PTK2B: variants seen among roughly 807,000 people sequenced by gnomAD.
The protein encoded by PTK2B is protein-tyrosine kinase 2-beta.
PTK2B carries 71 observed loss-of-function variants against 142.9 expected under a neutral mutation model. That is an observed-to-expected ratio of 0.50 (90% CI 0.41 to 0.61). The LOEUF is 0.61. Among genes scored for constraint, PTK2B ranks in the 20% least tolerant of loss-of-function variants. PTK2B has a pLI of 0.00. For missense variants in PTK2B, 1,105 were observed against 1,320.4 expected (o/e 0.84, Z 2.53); for synonymous variants, 519 against 503.4 (o/e 1.03, Z -0.42).
chr8:27,338,354 G>A (rs987219140), intron 1 of PTK2B, among the ~76,000 whole-genome samples: 1 of 151,974 alleles, frequency 6.6e-6, no homozygotes, highest in African/African-American at 2.4e-5. Flanking sequence ...AAGATGCAAA[G>A]GCATAAGAAT....
upstream of PTK2B, chr8:27,310,729 G>T: frequency 6.8e-7 from 1 of 1,473,286 alleles, no homozygotes; most frequent in Non-Finnish European, 9.1e-7. Context: ...CAGGAGGGGC[G>T]GGAGCCGCAG....
At position 27,458,877 on chromosome 8, in the gene PTK2B, A is replaced by G. The variant is rs978773316; in HGVS notation, c.*368A>G. ...GACATGGCAGGCCGATTTGGGAACC[A>G]AGCTATTCCTTTCCCTTCCTCTTCG... On this transcript the variant is annotated 3_prime_UTR_variant, in exon 31 of 31. Coordinates refer to ENST00000346049, the MANE Select transcript of PTK2B (RefSeq NM_173176.3). 2.6e-6 allele frequency: 1 copy of G among 378,696 alleles called. No homozygotes were observed. Among genetic ancestry groups the G allele is most frequent in the African/African-American group, 2.0e-5 (1 of 49,282 alleles). The allele number at this position is 378,696 out of a possible 1,614,324, so 23.5% of individuals were successfully genotyped here.
chr8:27,368,417 T>C (rs1010096752), intron 1 of PTK2B, among the ~76,000 whole-genome samples: 2 of 152,110 alleles, frequency 1.3e-5, no homozygotes, highest in African/African-American at 2.4e-5. Flanking sequence ...AAATTCCCCT[T>C]GGTATTCATC....
chr8:27,446,627 G>C (rs1334834813), intron 24 of PTK2B, among the ~76,000 whole-genome samples: 1 of 152,168 alleles, frequency 6.6e-6, no homozygotes, highest in African/African-American at 2.4e-5. Context: ...CTAGTGGTCA[G>C]TTGCCACGAA....
intron 17 of PTK2B, 103 bp from the exon 18 acceptor site, chr8:27,437,662 C>G (rs1346269233): frequency 7.7e-7 from 1 of 1,296,220 alleles, no homozygotes; most frequent in East Asian, 2.5e-5. Flanking sequence ...GGGTTTGTCT[C>G]CCACCGCCCC....
chr8:27,315,489 C>G lies in PTK2B; in HGVS notation c.-414+2202C>G, dbSNP rs575920660. Reference sequence around the variant, plus strand: ...ACTCCAGATAGCCCTCTCCCCTCCCCCCAACGCAGAGACTCTTACGTCGTC... The same window carrying G: ...ACTCCAGATAGCCCTCTCCCCTCCCGCCAACGCAGAGACTCTTACGTCGTC... On this transcript the variant is annotated intron_variant, in intron 3 of 35. Transcript: ENST00000397501. 3.1e-4 allele frequency among the ~76,000 whole-genome samples: 47 copies of G among 152,270 alleles called. 1 individual carries two copies. The highest frequency in any genetic ancestry group is 1.2e-3 in the South Asian group (6 of 4,822).
At chr8:27,359,825 G>A (rs1265074246) in intron 1 of PTK2B, among the ~76,000 whole-genome samples, 1 of 152,056 alleles carries the variant, frequency 6.6e-6, no homozygotes, top group East Asian at 1.9e-4. Context: ...AGTGTTTCTA[G>A]TGCCCACCTT....
upstream of PTK2B, chr8:27,311,230 C>T (rs1296235150): frequency 3.9e-6 from 6 of 1,535,890 alleles, no homozygotes; most frequent in Non-Finnish European, 5.3e-6. Flanking sequence ...CGGGACTCCG[C>T]TCCATGGCAC....
At chr8:27,387,942 G>A (rs928639537) in intron 1 of PTK2B, among the ~76,000 whole-genome samples, 3 of 151,544 alleles carry the variant, frequency 2.0e-5, no homozygotes, top group Admixed American at 6.6e-5. Context: ...TTGATCCTCT[G>A]TTAAAGCCAT....
At chr8:27,319,643 CAAAAAAA>C (rs35156739) in intron 3 of PTK2B, among the ~76,000 whole-genome samples, 3 of 89,232 alleles carry the variant, frequency 3.4e-5, no homozygotes, top group Non-Finnish European at 6.3e-5. Context: ...GACTCTGTCT[CAAAAAAA>C]AAAAAAAAAA....
At chr8:27,445,152 T>C (rs953769365) in intron 23 of PTK2B, among the ~76,000 whole-genome samples, 10 of 152,142 alleles carry the variant, frequency 6.6e-5, no homozygotes, top group African/African-American at 2.2e-4. Context: ...GGAGGATTCA[T>C]TGAGCTCAGG....
chr8:27,457,381 G>C lies in PTK2B; in HGVS notation c.2815-913G>C, dbSNP rs1243845653. On this transcript the variant is annotated intron_variant, in intron 30 of 30. Coordinates refer to ENST00000346049, the MANE Select transcript of PTK2B (RefSeq NM_173176.3). The stretch of plus-strand genomic sequence containing the variant: ...GACAGTGCATCTACTCAAGAGCTCA[G>C]ATGGAGATATAGAAGGAGATTAATG... Among the ~76,000 whole-genome samples the C allele has an allele frequency of 2.6e-5, 4 of 152,242 alleles. No homozygotes were observed. The East Asian group carries it at 5.8e-4, about 22-fold the overall frequency.
intron 1 of PTK2B, among the ~76,000 whole-genome samples, chr8:27,342,758 C>G (rs924560777): frequency 7.9e-5 from 12 of 152,220 alleles, no homozygotes; most frequent in African/African-American, 1.2e-4. Context: ...TTTTATCATT[C>G]ATTGGACATG....
At chr8:27,311,185 C>T, upstream of PTK2B, 1 of 1,603,580 alleles carries the variant, frequency 6.2e-7, no homozygotes, top group South Asian at 1.1e-5. Flanking sequence ...AGAGCAACTC[C>T]TCCTTGAAGG....
chr8:27,349,099 T>A (rs980190252), intron 1 of PTK2B, among the ~76,000 whole-genome samples: 1 of 152,202 alleles, frequency 6.6e-6, no homozygotes, highest in African/African-American at 2.4e-5. Flanking sequence ...GCCCACCTCC[T>A]GTTCTCTTCT....
intron 8 of PTK2B, 40 bp from the exon 9 acceptor site, chr8:27,431,358 G>C: frequency 6.2e-7 from 1 of 1,613,990 alleles, no homozygotes; most frequent in Non-Finnish European, 8.5e-7. Flanking sequence ...GAATGGGGAG[G>C]ACAGCTCTGG....
chr8:27,421,278 C>CTATTTATT (rs59319424), intron 4 of PTK2B, among the ~76,000 whole-genome samples: 35 of 147,180 alleles, frequency 2.4e-4, no homozygotes, highest in Admixed American at 4.8e-4. Flanking sequence ...TAGCACTTAC[C>CTATTTATT]TATTTATTTA....
At chr8:27,425,396 T>C (rs1810022594) in intron 5 of PTK2B, among the ~76,000 whole-genome samples, 1 of 152,316 alleles carries the variant, frequency 6.6e-6, no homozygotes, top group South Asian at 2.1e-4. Flanking sequence ...TTATTTATTA[T>C]ATTTTACTTA....
At chr8:27,367,235 C>T (rs992100712) in intron 1 of PTK2B, among the ~76,000 whole-genome samples, 1 of 152,204 alleles carries the variant, frequency 6.6e-6, no homozygotes, top group African/African-American at 2.4e-5. Flanking sequence ...GGCTCTTTGT[C>T]CTGTGAGGCC....
Sources: gnomAD v4.1 joint callset for allele counts (sites outside exome capture counted in the v4.1 genomes callset) on GRCh38, gnomAD v4.1.1 for gene constraint, MANE v1.5 for transcripts, NCBI Gene and HGNC (gene_info 2026-07-23, HGNC 2026-07-21) for gene names.